Variants in FARS2 observed in about 807,000 individuals in gnomAD.
The protein encoded by FARS2 is phenylalanyl-tRNA synthetase 2, mitochondrial.
A neutral mutation model predicts 46.4 loss-of-function variants in FARS2; 40 were observed. The ratio of observed to expected loss-of-function variants is 0.86; its 90% CI spans 0.67 to 1.12. FARS2 has a LOEUF of 1.12. FARS2 is among the 50% of genes most tolerant of loss of function. The pLI is 0.00. For synonymous variants in FARS2, 234 were observed against 214.9 expected (o/e 1.09, Z -0.78); for missense variants, 513 against 567.9 (o/e 0.90, Z 0.98).
chr6:5,467,161 T>C, intron 4 of FARS2: 1 of 808,202 alleles, frequency 1.2e-6, no homozygotes, highest in Non-Finnish European at 1.5e-6. Context: ...TGTTTCTATC[T>C]GTGGTTTACA....
In FARS2 at chr6:5,491,391, G is replaced by GT. The variant is rs1453351528; in HGVS notation, c.905-53788dup. On this transcript the variant is annotated intron_variant, in intron 4 of 6. Transcript: ENST00000274680. ...CATAATTGTTGCTGTGCAGAATTAAGTAAGTCTTGCGGTAACTTTCTAGCA... is the reference window on the plus strand; with the variant it reads ...CATAATTGTTGCTGTGCAGAATTAAGTTAAGTCTTGCGGTAACTTTCTAGCA... 6.6e-5 allele frequency among the ~76,000 whole-genome samples: 10 copies of GT among 152,190 alleles called. 1 individual carries two copies. The highest frequency in any genetic ancestry group is 2.0e-4 in the Admixed American group (3 of 15,278).
intron 6 of FARS2, among the ~76,000 whole-genome samples, chr6:5,721,659 C>T (rs1582830041): frequency 6.6e-6 from 1 of 152,310 alleles, no homozygotes; most frequent in Middle Eastern, 3.4e-3. Context: ...CATCACCAAT[C>T]CTATCAGGAA....
chr6:5,356,719 C>T (rs1032466495), intron 1 of FARS2, among the ~76,000 whole-genome samples: 1 of 151,746 alleles, frequency 6.6e-6, no homozygotes, highest in African/African-American at 2.4e-5. Flanking sequence ...AAAATGTGAC[C>T]AGAGGCTCGC....
intron 5 of FARS2, among the ~76,000 whole-genome samples, chr6:5,558,930 T>C (rs1401442354): frequency 1.3e-5 from 2 of 152,108 alleles, no homozygotes; most frequent in Non-Finnish European, 2.9e-5. Context: ...GTTTGAACTC[T>C]TGGGTAACTG....
intron 4 of FARS2, among the ~76,000 whole-genome samples, chr6:5,468,378 AAGTT>A (rs1401976239): frequency 3.3e-5 from 5 of 152,064 alleles, no homozygotes; most frequent in South Asian, 2.1e-4. Flanking sequence ...GAAAGAAAAA[AAGTT>A]AGCCATATAA....
chr6:5,413,523 A>T (rs1762055753), intron 3 of FARS2, among the ~76,000 whole-genome samples: 1 of 152,184 alleles, frequency 6.6e-6, no homozygotes. Flanking sequence ...TCTACTCTTT[A>T]GGTTCATAGA....
At chr6:5,572,039 C>T (rs1235494802) in intron 5 of FARS2, among the ~76,000 whole-genome samples, 1 of 152,192 alleles carries the variant, frequency 6.6e-6, no homozygotes, top group African/African-American at 2.4e-5. Context: ...CCAAAGTTAT[C>T]TTTTTCCTGT....
At chr6:5,696,546 AT>A (rs1397130995) in intron 6 of FARS2, among the ~76,000 whole-genome samples, 1 of 152,198 alleles carries the variant, frequency 6.6e-6, no homozygotes. Flanking sequence ...TCTATACACC[AT>A]TAAGTAAAGA....
chr6:5,474,976 C>T (rs1478011063), intron 4 of FARS2, among the ~76,000 whole-genome samples: 1 of 152,138 alleles, frequency 6.6e-6, no homozygotes, highest in Non-Finnish European at 1.5e-5. Flanking sequence ...GTACTGTCAT[C>T]TTACAGGACC....
At chr6:5,690,152 A>G (rs146971619) in intron 6 of FARS2, among the ~76,000 whole-genome samples, 6,082 of 152,128 alleles carry the variant, frequency 0.04, 153 homozygotes, top group African/African-American at 0.068. Context: ...TTTTTATCCA[A>G]TTTGCCAGTC....
intron 6 of FARS2, among the ~76,000 whole-genome samples, chr6:5,629,095 T>C (rs1208560447): frequency 6.6e-6 from 1 of 152,220 alleles, no homozygotes; most frequent in Non-Finnish European, 1.5e-5. Flanking sequence ...GTAACACATC[T>C]GTTCCAGGGA....
intron 6 of FARS2, among the ~76,000 whole-genome samples, chr6:5,620,624 C>T (rs561550400): frequency 2.6e-5 from 4 of 152,344 alleles, no homozygotes; most frequent in South Asian, 4.1e-4. Flanking sequence ...CCCACCATGT[C>T]GTTTCTGCTC....
intron 5 of FARS2, among the ~76,000 whole-genome samples, chr6:5,601,285 G>T (rs1387272032): frequency 6.6e-6 from 1 of 152,074 alleles, no homozygotes; most frequent in Non-Finnish European, 1.5e-5. Flanking sequence ...ACTTTGGGAG[G>T]CCAAGGCAGG....
chr6:5,498,731 A>G (rs1211087404), intron 4 of FARS2, among the ~76,000 whole-genome samples: 1 of 152,134 alleles, frequency 6.6e-6, no homozygotes, highest in Admixed American at 6.5e-5. Flanking sequence ...GTCACTTTTC[A>G]GATTGAATTC....
chr6:5,323,253 C>G (rs1770112246), intron 1 of FARS2, among the ~76,000 whole-genome samples: 1 of 152,054 alleles, frequency 6.6e-6, no homozygotes. Context: ...TTTTCCCTCT[C>G]AAAAAAGTTT....
At chr6:5,678,827 C>G (rs1265129938) in intron 6 of FARS2, among the ~76,000 whole-genome samples, 2 of 152,124 alleles carry the variant, frequency 1.3e-5, no homozygotes, top group Non-Finnish European at 2.9e-5. Flanking sequence ...ATTTTAAGCC[C>G]CTCTTTCTCC....
intron 2 of FARS2, among the ~76,000 whole-genome samples, chr6:5,401,557 T>C (rs1177116487): frequency 6.6e-6 from 1 of 152,190 alleles, no homozygotes; most frequent in Non-Finnish European, 1.5e-5. Context: ...TTTTTATGTA[T>C]TAACATGTTC....
chr6:5,308,004 A>G (rs866864017), intron 1 of FARS2, among the ~76,000 whole-genome samples: 12 of 152,318 alleles, frequency 7.9e-5, no homozygotes, highest in Admixed American at 1.3e-4. Context: ...TGCAATTTAT[A>G]TGGGGATTTT....
At chr6:5,514,652 C>T (rs1768672842) in intron 4 of FARS2, among the ~76,000 whole-genome samples, 1 of 152,196 alleles carries the variant, frequency 6.6e-6, no homozygotes, top group South Asian at 2.1e-4. Flanking sequence ...AAATTGACAA[C>T]TCTCTTTCCA....
Sources: allele counts gnomAD v4.1 joint callset (sites outside exome capture counted in the v4.1 genomes callset), GRCh38; gene constraint gnomAD v4.1.1; transcripts MANE v1.5; gene names NCBI Gene and HGNC (gene_info 2026-07-23, HGNC 2026-07-21).